Variants in TSNARE1 observed in about 807,000 individuals in gnomAD.
TSNARE1 encodes t-SNARE domain containing 1, also known as t-SNARE domain-containing protein 1.
In TSNARE1, 49 loss-of-function variants were observed where a neutral mutation model predicts 62.0. The ratio of observed to expected loss-of-function variants is 0.79; its 90% confidence interval spans 0.63 to 1.00. TSNARE1 has a LOEUF of 1.00. TSNARE1 is among the 50% of genes least tolerant of loss of function. TSNARE1 has a pLI of 0.00. For synonymous variants in TSNARE1, 328 were observed against 294.4 expected (o/e 1.11, Z -1.17); for missense variants, 755 against 700.1 (o/e 1.08, Z -0.88).
rs1486576275 is a variant in TSNARE1 at position 142,227,382 on chromosome 8, C to T, written c.*11+2091G>A. 1.3e-3 allele frequency among the ~76,000 whole-genome samples: 153 copies of T among 121,288 alleles called. 1 individual carries two copies. The highest frequency in any genetic ancestry group is 4.6e-3 in the African/African-American group (151 of 33,008). The allele number at this position is 121,288 out of a possible 152,430, so 79.6% of individuals were successfully genotyped here. A position where few individuals can be genotyped will look rare whatever the true frequency, so the allele number is the denominator to read the frequency against. On this transcript the variant is annotated intron_variant, in intron 13 of 13. Transcript: ENST00000524325. ...CCCCAGTGACAGCCAGGACCCCCAT[C>T]CTGCCAATAGCCCCAGTGACAGCCA...
At chr8:142,327,836 G>A (rs960170238) in intron 6 of TSNARE1, among the ~76,000 whole-genome samples, 5 of 152,308 alleles carry the variant, frequency 3.3e-5, no homozygotes, top group Non-Finnish European at 7.3e-5. Flanking sequence ...AGGAAGGAGA[G>A]CACACCTCAC....
rs1275073327 is a variant in TSNARE1, at chr8:142,270,017, C to T, written c.1446+4764G>A. 14 of 985,342 alleles carry T rather than the reference C, an allele frequency of 1.4e-5. 1 individual carries two copies. Among genetic ancestry groups the T allele is most frequent in the African/African-American group, 1.7e-5 (1 of 57,252 alleles). 61.0% of individuals were successfully genotyped at this position (985,342 alleles called of 1,614,324 possible). Reference sequence around the variant, plus strand: ...CTTCCCCGGAAGCTCCTGGGACCAGCATGCCTCCCACTCAAGCCAGTCAGC... The same window carrying T: ...CTTCCCCGGAAGCTCCTGGGACCAGTATGCCTCCCACTCAAGCCAGTCAGC... On this transcript the variant is annotated intron_variant, in intron 12 of 13. Transcript: ENST00000524325.
At chr8:142,222,810 A>AC (rs1204076724) in intron 13 of TSNARE1, among the ~76,000 whole-genome samples, 629 of 58,524 alleles carry the variant, frequency 0.011, 165 homozygotes, top group African/African-American at 0.037. Context: ...TCACTCACTC[A>AC]TTCACTCACT....
chr8:142,366,159 C>A (rs966513800), intron 1 of TSNARE1: 1 of 240,368 alleles, frequency 4.2e-6, no homozygotes, highest in Admixed American at 5.7e-5. Context: ...GCCTCAGCCT[C>A]CCGAGTAGCT....
chr8:142,402,365 C>G (rs1256333019), intron 1 of TSNARE1, among the ~76,000 whole-genome samples: 1 of 152,222 alleles, frequency 6.6e-6, no homozygotes, highest in Admixed American at 6.5e-5. Context: ...TGACCACTGG[C>G]ACGGAGGACC....
chr8:142,334,734 C>A (rs1413615838), intron 4 of TSNARE1, among the ~76,000 whole-genome samples: 1 of 152,096 alleles, frequency 6.6e-6, no homozygotes, highest in African/African-American at 2.4e-5. Context: ...GAAGAAAAAA[C>A]ATAAGAAGGA....
At chr8:142,267,974 C>A (rs1297926281) in intron 12 of TSNARE1, among the ~76,000 whole-genome samples, 2 of 152,222 alleles carry the variant, frequency 1.3e-5, no homozygotes, top group South Asian at 2.1e-4. Context: ...CTGGTGAAGC[C>A]AAGACCACAG....
In TSNARE1 at chr8:142,384,908, G is replaced by C. The variant is rs572970741; in HGVS notation, c.-40+18196C>G. Among the ~76,000 whole-genome samples the C allele has an allele frequency of 1.4e-3, 214 of 152,170 alleles. 1 individual carries two copies. Among genetic ancestry groups the C allele is most frequent in the Middle Eastern group, 3.4e-3 (1 of 294 alleles). The stretch of plus-strand genomic sequence containing the variant: ...GACTGCAAAGGCCACTCACAACATG[G>C]GAGAAAATATGTGCCAGTCACGTGT... On this transcript the variant is annotated intron_variant, in intron 1 of 13. Coordinates refer to ENST00000524325, the MANE Select transcript of TSNARE1 (RefSeq NM_145003.5).
rs985797425 is a variant in TSNARE1 at position 142,291,376 on chromosome 8, A to T, written c.1291-6891T>A. Among the ~76,000 whole-genome samples the T allele has an allele frequency of 6.6e-6, 1 of 152,080 alleles. No individual in the cohort carries two copies. The highest frequency in any genetic ancestry group is 2.4e-5 in the African/African-American group (1 of 41,416). ...TCCAAGCCACCGTCATCTCTGACAAAATCAGAACGTAGGAGTGTTCACTCT... is the reference window on the plus strand; with the variant it reads ...TCCAAGCCACCGTCATCTCTGACAATATCAGAACGTAGGAGTGTTCACTCT... On this transcript the variant is annotated intron_variant, in intron 10 of 13. Coordinates refer to ENST00000524325, the MANE Select transcript of TSNARE1 (RefSeq NM_145003.5). This position sits in a 1 kb window ranked among gnomAD's most constrained non-coding sequence, Gnocchi z 4.8.
chr8:142,401,874 C>T (rs1838317935), intron 1 of TSNARE1, among the ~76,000 whole-genome samples: 1 of 152,166 alleles, frequency 6.6e-6, no homozygotes, highest in Admixed American at 6.5e-5. Flanking sequence ...GGTATGAAAG[C>T]AGCGGTTCAG....
At chr8:142,317,250 G>T (rs1017152765) in intron 7 of TSNARE1, among the ~76,000 whole-genome samples, 1 of 144,612 alleles carries the variant, frequency 6.9e-6, no homozygotes, top group Non-Finnish European at 1.5e-5. Context: ...CACACTGTAC[G>T]CGTGAAGCGG....
chr8:142,350,999 C>CA (rs1834030386), intron 2 of TSNARE1, among the ~76,000 whole-genome samples: 1 of 152,218 alleles, frequency 6.6e-6, no homozygotes, highest in Non-Finnish European at 1.5e-5. Context: ...GGCAGCCAAA[C>CA]GTGCTGTCAC....
At chr8:142,335,709 T>C (rs1026294806) in intron 4 of TSNARE1, among the ~76,000 whole-genome samples, 2 of 152,186 alleles carry the variant, frequency 1.3e-5, no homozygotes, top group African/African-American at 2.4e-5. Context: ...TTACACTTAA[T>C]GATGCATGAG....
intron 13 of TSNARE1, among the ~76,000 whole-genome samples, chr8:142,218,352 C>T (rs1038393039): frequency 2.1e-5 from 3 of 145,432 alleles, no homozygotes; most frequent in African/African-American, 7.8e-5. Context: ...CCCTGGAGAG[C>T]TGCCTGTTGA....
At position 142,217,389 on chromosome 8, in the gene TSNARE1, A is replaced by G. The variant is rs1216165860; in HGVS notation, c.*12-5076T>C. On this transcript the variant is annotated intron_variant, in intron 13 of 13. Coordinates refer to ENST00000524325, the MANE Select transcript of TSNARE1 (RefSeq NM_145003.5). ...AAAGAAAGAAAAAAGGGAAAGAAAG[A>G]AAAAGCAAGCAAGCAACGGCGTAAG... Among the ~76,000 whole-genome samples, 6 of 152,038 alleles carry G rather than the reference A, an allele frequency of 3.9e-5. No homozygotes were observed. In the East Asian group the frequency reaches 7.7e-4, roughly 20 times the overall value.
intron 6 of TSNARE1, among the ~76,000 whole-genome samples, chr8:142,324,380 C>T (rs1013935007): frequency 4.6e-5 from 7 of 152,166 alleles, no homozygotes; most frequent in Non-Finnish European, 8.8e-5. Context: ...GCTGCCAGCT[C>T]GGCGGCTCCT....
intron 6 of TSNARE1, among the ~76,000 whole-genome samples, chr8:142,320,463 C>T (rs1199693904): frequency 2.7e-5 from 4 of 150,638 alleles, no homozygotes; most frequent in Non-Finnish European, 4.4e-5. Flanking sequence ...CCTGCACCTC[C>T]GACCACTTCC....
intron 1 of TSNARE1, among the ~76,000 whole-genome samples, chr8:142,383,375 G>C (rs1036641368): frequency 6.6e-5 from 10 of 150,484 alleles, no homozygotes; most frequent in Non-Finnish European, 1.3e-4. Context: ...CCAGTACAGA[G>C]TGCAAATGCC....
intron 2 of TSNARE1, 133 bp from the exon 3 acceptor site, chr8:142,346,025 T>G: frequency 2.0e-6 from 2 of 1,023,216 alleles, no homozygotes; most frequent in Admixed American, 5.1e-5. Context: ...CAGGAAGCCC[T>G]CCCTGCCTGC....
Sources: gnomAD v4.1 joint callset for allele counts (sites outside exome capture counted in the v4.1 genomes callset) on GRCh38, gnomAD v4.1.1 for gene constraint, Gnocchi (gnomAD v3.1) non-coding constraint, MANE v1.5 for transcripts, NCBI Gene and HGNC (gene_info 2026-07-23, HGNC 2026-07-21) for gene names.